Variants in MGRN1 observed in about 807,000 individuals in gnomAD.
MGRN1 encodes the protein mahogunin ring finger 1, also known as E3 ubiquitin-protein ligase MGRN1.
A neutral mutation model predicts 69.2 loss-of-function variants in MGRN1; 29 were observed. The ratio of observed to expected loss-of-function variants is 0.42; its 90% CI spans 0.31 to 0.57. The LOEUF is 0.57. MGRN1 is among the 20% of genes least tolerant of loss of function. MGRN1 has a pLI of 0.15. For missense variants in MGRN1, 998 were observed against 796.2 expected (o/e 1.25, Z -3.05); for synonymous variants, 470 against 344.2 (o/e 1.37, Z -4.04).
At chr16:4,684,859 C>T (rs1053567945) in intron 16 of MGRN1, among the ~76,000 whole-genome samples, 5 of 152,252 alleles carry the variant, frequency 3.3e-5, no homozygotes, top group African/African-American at 7.2e-5. Flanking sequence ...TCCCTCGCGG[C>T]TGCCAGGCTT....
At chr16:4,682,403 G>A (rs1165135739) in intron 13 of MGRN1, among the ~76,000 whole-genome samples, 1 of 152,234 alleles carries the variant, frequency 6.6e-6, no homozygotes, top group Non-Finnish European at 1.5e-5. Context: ...CCTCAGGCCT[G>A]TCGGTTCTCG....
intron 5 of MGRN1, among the ~76,000 whole-genome samples, chr16:4,660,993 T>C (rs960578229): frequency 6.6e-6 from 1 of 152,112 alleles, no homozygotes; most frequent in Admixed American, 6.5e-5. Flanking sequence ...TTTTTCCCCC[T>C]TTTTTTGAGA....
rs546210868 is a variant in MGRN1, at chr16:4,681,315, C to T, written c.1132-235C>T. 5.5e-6 allele frequency: 3 copies of T among 547,768 alleles called. No individual in the cohort carries two copies. The South Asian group carries it at 7.5e-5, about 14-fold the overall frequency. The allele number at this position is 547,768 out of a possible 1,614,324, so 33.9% of individuals were successfully genotyped here. A position where few individuals can be genotyped will look rare whatever the true frequency, so the allele number is the denominator to read the frequency against. On this transcript the variant is annotated intron_variant, in intron 12 of 16. Coordinates refer to ENST00000262370, the MANE Select transcript of MGRN1 (RefSeq NM_015246.4). Reference sequence around the variant, plus strand: ...GCTGGGGCGGTTCTTGGCAGATGCCCTCGTGCCCGTCATCCCAGGCACCAG... The same window carrying T: ...GCTGGGGCGGTTCTTGGCAGATGCCTTCGTGCCCGTCATCCCAGGCACCAG...
intron 1 of MGRN1, among the ~76,000 whole-genome samples, chr16:4,630,283 C>T (rs1104207): frequency 6.9e-6 from 1 of 144,788 alleles, no homozygotes; most frequent in East Asian, 2.2e-4. Context: ...ACCCGGAGCG[C>T]GGCAGAGGTT....
In MGRN1 at chr16:4,673,640, G is replaced by A. The variant is rs746168311; in HGVS notation, c.938G>A (p.Cys313Tyr). Residue 313 changes from cysteine (C) to tyrosine (Y), a missense_variant, in exon 10 of 17, where the codon TGC (cysteine) becomes TAC (tyrosine). By Grantham distance (194) the Cys-to-Tyr change is radical. Transcript: ENST00000262370. ...ADTLRYQANN[C>Y]PICRLPFRAL... is the part of the protein sequence containing the mutation. ...ACGCTGCGCTACCAGGCCAACAACTGCCCCATCTGCCGGCTGCGTGAGTTC... is the reference window on the plus strand; with the variant it reads ...ACGCTGCGCTACCAGGCCAACAACTACCCCATCTGCCGGCTGCGTGAGTTC... The A allele has an allele frequency of 6.2e-7, 1 of 1,613,196 alleles. No homozygotes were observed. The highest frequency in any genetic ancestry group is 1.1e-5 in the South Asian group (1 of 91,054).
At chr16:4,663,155 C>G (rs2141917965) in intron 5 of MGRN1, among the ~76,000 whole-genome samples, 1 of 151,752 alleles carries the variant, frequency 6.6e-6, no homozygotes, top group Non-Finnish European at 1.5e-5. Context: ...TCTCCGCCTC[C>G]CGATTTCAAG....
rs1245388864 is a variant in MGRN1 at position 4,690,729 on chromosome 16, C to T, written c.*1821C>T. On this transcript the variant is annotated 3_prime_UTR_variant, in exon 17 of 17. Transcript: ENST00000262370. ...TCTCCCACGCACCTCTACCCCACCC[C>T]AAGCACCTCTCTCCCCCCATGCACC... is the stretch of plus-strand genomic sequence containing the variant. 6.6e-6 allele frequency: 1 copy of T among 151,994 alleles called. No individual in the cohort carries two copies. The highest frequency in any genetic ancestry group is 1.5e-5 in the Non-Finnish European group (1 of 68,016). 9.4% of individuals were successfully genotyped at this position (151,994 alleles called of 1,614,324 possible). A position where few individuals can be genotyped will look rare whatever the true frequency, so the allele number is the denominator to read the frequency against.
At chr16:4,688,622 G>T in intron 16 of MGRN1, 174 bp from the exon 17 acceptor site, 1 of 1,396,536 alleles carries the variant, frequency 7.2e-7, no homozygotes, top group Non-Finnish European at 9.4e-7. Flanking sequence ...GCACAGTTAG[G>T]GAGTCCCCGG....
At chr16:4,629,628 G>A (rs2450388) in intron 1 of MGRN1, among the ~76,000 whole-genome samples, 38,508 of 151,300 alleles carry the variant, frequency 0.25, 5,877 homozygotes, top group African/African-American at 0.44. Flanking sequence ...AGTCCCAGCT[G>A]CTCAGGAGGC....
chr16:4,654,405 A>G (rs539226859), intron 4 of MGRN1, among the ~76,000 whole-genome samples: 26 of 152,342 alleles, frequency 1.7e-4, no homozygotes, highest in African/African-American at 6.3e-4. Context: ...TTTATTTGAG[A>G]TAAGGGTCCT....
intron 11 of MGRN1, 150 bp downstream of exon 11, chr16:4,677,722 A>C: frequency 1.3e-6 from 1 of 747,054 alleles, no homozygotes; most frequent in Non-Finnish European, 2.1e-6. Context: ...TGAGGCATGA[A>C]GGGGGTGGCC....
At chr16:4,639,152 A>AGCGGGGAGGTCATGAGGAT (rs2078102138) in intron 1 of MGRN1, among the ~76,000 whole-genome samples, 1 of 152,130 alleles carries the variant, frequency 6.6e-6, no homozygotes, top group Non-Finnish European at 1.5e-5. Context: ...TTAGGCATGG[A>AGCGGGGAGGTCATGAGGAT]GCGGGGAGGT....
At chr16:4,650,615 T>G in intron 2 of MGRN1, 132 bp downstream of exon 2, 1 of 710,442 alleles carries the variant, frequency 1.4e-6, no homozygotes. Context: ...CTGGCAGGAT[T>G]CCAGTTGAGC....
chr16:4,670,741 G>A (rs1028260808), intron 8 of MGRN1, among the ~76,000 whole-genome samples: 3 of 151,868 alleles, frequency 2.0e-5, no homozygotes, highest in African/African-American at 7.3e-5. Context: ...ACTCTAGCAG[G>A]TCCAGGTCCC....
chr16:4,664,879 AGGGCCTTGGGCTTCCCACAGGGCAG>A (rs1291695598), intron 6 of MGRN1, 104 bp downstream of exon 6: 45 of 1,472,376 alleles, frequency 3.1e-5, no homozygotes, highest in Middle Eastern at 3.5e-4. Context: ...GGCCAGGCAT[AGGGCCTTGGGCTTCCCACAGGGCAG>A]GGTGTGAGCA....
intron 5 of MGRN1, among the ~76,000 whole-genome samples, chr16:4,660,503 C>A (rs955562938): frequency 6.6e-6 from 1 of 152,334 alleles, no homozygotes; most frequent in Admixed American, 6.5e-5. Context: ...AATCACAGCT[C>A]ACTCAGAGGC....
At chr16:4,631,447 T>C (rs953897869) in intron 1 of MGRN1, among the ~76,000 whole-genome samples, 3 of 152,250 alleles carry the variant, frequency 2.0e-5, no homozygotes, top group Admixed American at 6.5e-5. Flanking sequence ...ATTTTTGCCC[T>C]CTCAAGGGAC....
At chr16:4,672,355 T>A (rs532179999) in intron 9 of MGRN1, 3 of 456,710 alleles carry the variant, frequency 6.6e-6, no homozygotes, top group South Asian at 4.6e-5. Flanking sequence ...GTCGATGAAC[T>A]TGTTAAAAGG....
Position 4,681,545 on chromosome 16 carries a change from T to C in MGRN1, c.1132-5T>C. 1 of 1,611,478 alleles carries C rather than the reference T, an allele frequency of 6.2e-7. No homozygotes were observed. Among genetic ancestry groups the C allele is most frequent in the Non-Finnish European group, 8.5e-7 (1 of 1,178,792 alleles). On this transcript the variant is annotated splice_region_variant and splice_polypyrimidine_tract_variant and intron_variant, in intron 12 of 16. Coordinates refer to ENST00000262370, the MANE Select transcript of MGRN1 (RefSeq NM_015246.4). Reference sequence around the variant, plus strand: ...TGAGCCCCCTCACGCACCCTGTCCCTACAGAACTCTGACAGCGTCCCACCT... The same window carrying C: ...TGAGCCCCCTCACGCACCCTGTCCCCACAGAACTCTGACAGCGTCCCACCT...
Sources: gnomAD v4.1 joint callset for allele counts (sites outside exome capture counted in the v4.1 genomes callset) on GRCh38, gnomAD v4.1.1 for gene constraint, MANE v1.5 for transcripts, NCBI Gene and HGNC (gene_info 2026-07-23, HGNC 2026-07-21) for gene names.